ITFG1: variants seen among roughly 807,000 people sequenced by gnomAD.
ITFG1 encodes the protein integrin alpha FG-GAP repeat containing 1, also known as T-cell immunomodulatory protein.
Under a neutral mutation model 81.8 loss-of-function variants are expected in ITFG1, and 34 were observed. The ratio of observed to expected loss-of-function variants is 0.42; its 90% CI spans 0.32 to 0.55. The LOEUF (loss-of-function observed/expected upper bound fraction) is 0.55. Among genes scored for constraint, ITFG1 ranks in the 20% least tolerant of loss-of-function variants. The pLI is 0.17. For missense variants in ITFG1, 672 were observed against 755.4 expected, an observed-to-expected ratio of 0.89 and a Z score of 1.29; for synonymous variants, 285 against 270.6, an observed-to-expected ratio of 1.05 and a Z score of -0.52.
At chr16:47,423,861 T>C (rs1968984036) in intron 6 of ITFG1, among the ~76,000 whole-genome samples, 1 of 152,204 alleles carries the variant, frequency 6.6e-6, no homozygotes, top group Non-Finnish European at 1.5e-5. Flanking sequence ...GCCCTTGACA[T>C]TTTTTCCTTC....
intron 10 of ITFG1, among the ~76,000 whole-genome samples, chr16:47,308,052 G>A (rs1967198050): frequency 6.6e-6 from 1 of 152,116 alleles, no homozygotes; most frequent in South Asian, 2.1e-4. Context: ...CACTATTGAT[G>A]GGCACCTACA....
chr16:47,236,881 C>T lies in ITFG1; in HGVS notation c.1374+1084G>A, dbSNP rs1422787456. On this transcript the variant is annotated intron_variant, in intron 13 of 17. Coordinates refer to ENST00000320640, the MANE Select transcript of ITFG1 (RefSeq NM_030790.5). ...TGAGCTGGCCTGTGTTGGCTGCTAA[C>T]AGCTCACAGCAGGGTTCCTACCTGG... is the stretch of plus-strand genomic sequence containing the variant. 2.6e-5 allele frequency among the ~76,000 whole-genome samples: 4 copies of T among 152,230 alleles called. No homozygotes were observed. In the East Asian group the frequency reaches 7.7e-4, roughly 29 times the overall value.
At chr16:47,420,534 C>T (rs906304629) in intron 6 of ITFG1, among the ~76,000 whole-genome samples, 6 of 152,140 alleles carry the variant, frequency 3.9e-5, no homozygotes, top group African/African-American at 1.4e-4. Context: ...TAAGAGGAAG[C>T]GTGAGGATCA....
chr16:47,206,325 T>C (rs1160483001), intron 14 of ITFG1, among the ~76,000 whole-genome samples: 1 of 152,232 alleles, frequency 6.6e-6, no homozygotes, highest in African/African-American at 2.4e-5. Context: ...ACAGCTACCC[T>C]GCTACCTATG....
chr16:47,400,499 C>T (rs1362231940), intron 6 of ITFG1, among the ~76,000 whole-genome samples: 1 of 151,114 alleles, frequency 6.6e-6, no homozygotes, highest in East Asian at 1.9e-4. Flanking sequence ...CCACTAGACA[C>T]CAGCATTGTG....
chr16:47,288,427 T>C (rs1338179675), intron 10 of ITFG1, among the ~76,000 whole-genome samples: 1 of 152,214 alleles, frequency 6.6e-6, no homozygotes, highest in Non-Finnish European at 1.5e-5. Context: ...ATCCTTTTGA[T>C]TTCCTTTCCT....
chr16:47,375,632 T>C (rs1003370735), intron 7 of ITFG1, among the ~76,000 whole-genome samples: 3 of 152,248 alleles, frequency 2.0e-5, no homozygotes, highest in South Asian at 4.1e-4. Context: ...ACATGCACAT[T>C]AGGGCAGCCT....
In ITFG1 at chr16:47,452,724, C is replaced by G. The variant is rs1488264521; in HGVS notation, c.485+9G>C. On this transcript the variant is annotated intron_variant, in intron 4 of 17. Transcript: ENST00000320640. ...AAAATCGTTTCAAAGGAAGCAAGCC[C>G]ATACTTACTCCATAATTAGTGGCTC... 3.2e-6 allele frequency: 5 copies of G among 1,564,314 alleles called. No homozygotes were observed. The South Asian group carries it at 5.8e-5, about 18-fold the overall frequency.
At chr16:47,201,828 T>C (rs975451919) in intron 14 of ITFG1, among the ~76,000 whole-genome samples, 7 of 152,224 alleles carry the variant, frequency 4.6e-5, no homozygotes, top group African/African-American at 1.7e-4. Context: ...GGGCTGACCT[T>C]GTATTGTTTA....
At chr16:47,211,572 T>C (rs1404112613) in intron 14 of ITFG1, among the ~76,000 whole-genome samples, 3 of 152,266 alleles carry the variant, frequency 2.0e-5, no homozygotes, top group East Asian at 1.9e-4. Flanking sequence ...TTAGAGGCGA[T>C]ATCCTTGCTT....
chr16:47,435,909 T>C (rs901955208), intron 5 of ITFG1, among the ~76,000 whole-genome samples: 3 of 152,042 alleles, frequency 2.0e-5, no homozygotes, highest in African/African-American at 7.2e-5. Flanking sequence ...ATTATAATTA[T>C]TAAAATTTTA....
intron 14 of ITFG1, among the ~76,000 whole-genome samples, chr16:47,186,306 A>G (rs1173610828): frequency 6.6e-6 from 1 of 152,178 alleles, no homozygotes; most frequent in Non-Finnish European, 1.5e-5. Context: ...AGACACAAGC[A>G]AAAAAGAGAA....
At chr16:47,246,291 T>C (rs1188841871) in intron 12 of ITFG1, among the ~76,000 whole-genome samples, 1 of 152,206 alleles carries the variant, frequency 6.6e-6, no homozygotes, top group Non-Finnish European at 1.5e-5. Context: ...CTTTGCCACA[T>C]CTTTTCTCCA....
intron 12 of ITFG1, among the ~76,000 whole-genome samples, chr16:47,248,532 A>G (rs537826961): frequency 6.6e-6 from 1 of 152,348 alleles, no homozygotes; most frequent in African/African-American, 2.4e-5. Flanking sequence ...TGAAATTATA[A>G]TTTAAAAACT....
chr16:47,410,242 G>T (rs568935837), intron 6 of ITFG1, among the ~76,000 whole-genome samples: 1 of 152,226 alleles, frequency 6.6e-6, no homozygotes, highest in Non-Finnish European at 1.5e-5. Context: ...TGGTGCCCCT[G>T]CATTCCAGCC....
At chr16:47,333,031 A>G (rs955724867) in intron 8 of ITFG1, among the ~76,000 whole-genome samples, 3 of 152,190 alleles carry the variant, frequency 2.0e-5, no homozygotes, top group African/African-American at 7.2e-5. Flanking sequence ...CTACACATGC[A>G]GTTGTCTCAA....
At chr16:47,382,678 C>A (rs1294616805) in intron 6 of ITFG1, among the ~76,000 whole-genome samples, 1 of 152,122 alleles carries the variant, frequency 6.6e-6, no homozygotes, top group East Asian at 1.9e-4. Context: ...GTGGAAACCA[C>A]TGGCTTTATT....
intron 10 of ITFG1, among the ~76,000 whole-genome samples, chr16:47,295,757 T>G (rs1456439917): frequency 6.6e-6 from 1 of 152,228 alleles, no homozygotes; most frequent in African/African-American, 2.4e-5. Flanking sequence ...AACCAACTTT[T>G]TGTTGTCTTG....
intron 8 of ITFG1, among the ~76,000 whole-genome samples, chr16:47,325,529 C>T (rs1967522936): frequency 6.6e-6 from 1 of 152,086 alleles, no homozygotes; most frequent in African/African-American, 2.4e-5. Flanking sequence ...ATCAATGAAG[C>T]CAGGAGCTGG....
Sources: gnomAD v4.1 joint callset for allele counts (sites outside exome capture counted in the v4.1 genomes callset) on GRCh38, gnomAD v4.1.1 for gene constraint, MANE v1.5 for transcripts, NCBI Gene and HGNC (gene_info 2026-07-23, HGNC 2026-07-21) for gene names.